The following IRAK1BP1 variants were observed in gnomAD, a reference collection of about 807,000 sequenced individuals.
The protein encoded by IRAK1BP1 is interleukin 1 receptor associated kinase 1 binding protein 1.
In IRAK1BP1, 24 loss-of-function variants were observed where a neutral mutation model predicts 28.0. The ratio of observed to expected loss-of-function variants is 0.86; its 90% CI spans 0.62 to 1.20. IRAK1BP1 has a LOEUF of 1.20. Among genes scored for constraint, IRAK1BP1 ranks in the 50% most tolerant of loss-of-function variants. The pLI is 0.00. For missense variants in IRAK1BP1, 336 were observed against 316.7 expected (o/e 1.06, Z -0.46); for synonymous variants, 131 against 116.3 (o/e 1.13, Z -0.81).
chr6:78,939,708 G>T, intron 4 of IRAK1BP1: 1 of 151,842 alleles, frequency 6.6e-6, no homozygotes, highest in East Asian at 1.9e-4. Context: ...CATTAATCCA[G>T]ATCAACAAGT....
intron 4 of IRAK1BP1, among the ~76,000 whole-genome samples, chr6:78,929,305 G>T (rs1039984700): frequency 6.6e-6 from 1 of 152,124 alleles, no homozygotes; most frequent in Non-Finnish European, 1.5e-5. Context: ...GCCCATCAAA[G>T]GTGGGTTGGA....
chr6:78,910,778 C>G (rs963852328), intron 4 of IRAK1BP1, among the ~76,000 whole-genome samples: 15 of 152,214 alleles, frequency 9.9e-5, no homozygotes, highest in African/African-American at 3.6e-4. Context: ...GCCCCAGACA[C>G]GCACACCCTC....
At chr6:78,955,774 A>AACCAT in the IRAK1BP1 span, 1 of 520,262 alleles carries the variant, frequency 1.9e-6, no homozygotes, top group African/African-American at 2.0e-5. Flanking sequence ...TTTAAGGTAA[A>AACCAT]AGTTGAAGCT....
rs111570884 is a variant in IRAK1BP1, at chr6:78,892,857, A to C, written c.382-4972A>C. Among the ~76,000 whole-genome samples the C allele has an allele frequency of 5.2e-3, 789 of 152,322 alleles. 11 individuals are homozygous for C. The highest frequency in any genetic ancestry group is 0.018 in the African/African-American group (743 of 41,566). On this transcript the variant is annotated intron_variant, in intron 2 of 3. Transcript: ENST00000369940. The stretch of plus-strand genomic sequence containing the variant: ...TTAGTGAACCTGAAAATGTAGCAAT[A>C]AAAAGTATCCATAATGAAACACAGA...
At chr6:78,939,570 A>G (rs1773391086) in intron 4 of IRAK1BP1, 1 of 151,976 alleles carries the variant, frequency 6.6e-6, no homozygotes. Context: ...CCTGGGTAAT[A>G]GTATATAAGT....
At chr6:78,908,528 A>G (rs1772319421) in intron 4 of IRAK1BP1, among the ~76,000 whole-genome samples, 2 of 151,824 alleles carry the variant, frequency 1.3e-5, no homozygotes, top group African/African-American at 4.8e-5. Context: ...TTTAGTAGAG[A>G]TGAGGTCTCA....
rs1009330957 is a variant in IRAK1BP1, at chr6:78,908,261, C to T, written c.*67+5151C>T. ...AGAGATGGGGTTTCACCATATTGGTCAGGATGGTCTTGAACTCCTAACCTC... is the reference window on the plus strand; with the variant it reads ...AGAGATGGGGTTTCACCATATTGGTTAGGATGGTCTTGAACTCCTAACCTC... On this transcript the variant is annotated intron_variant and NMD_transcript_variant, in intron 4 of 4. Coordinates refer to the IRAK1BP1 transcript ENST00000606868. Among the ~76,000 whole-genome samples, 4 of 151,982 alleles carry T rather than the reference C, an allele frequency of 2.6e-5. No homozygotes were observed. The East Asian group carries it at 7.7e-4, about 29-fold the overall frequency.
At chr6:78,974,156 C>A in the IRAK1BP1 span, among the ~76,000 whole-genome samples, 1 of 151,986 alleles carries the variant, frequency 6.6e-6, no homozygotes, top group African/African-American at 2.4e-5. Flanking sequence ...TGTAAAAGAA[C>A]AGAAATTATA....
intron 4 of IRAK1BP1, chr6:78,935,376 C>A (rs1582063970): frequency 2.6e-5 from 8 of 308,124 alleles, no homozygotes; most frequent in Non-Finnish European, 3.8e-5. Context: ...AATTGGGATT[C>A]TTAGTCAATA....
In IRAK1BP1 at chr6:78,887,128, G is replaced by A. The variant is rs192530688; in HGVS notation, c.381+1685G>A. On this transcript the variant is annotated intron_variant, in intron 2 of 3. Transcript: ENST00000369940. ...GTATAACACATACCAGTATTCTTAA[G>A]TACTGTTAAATATATGGAATGAGAT... is the stretch of plus-strand genomic sequence containing the variant. 4.4e-3 allele frequency among the ~76,000 whole-genome samples: 667 copies of A among 152,236 alleles called. 2 individuals carry two copies. The highest frequency in any genetic ancestry group is 7.3e-3 in the Admixed American group (111 of 15,294).
Position 78,867,596 on chromosome 6 carries a change from C to T in IRAK1BP1, c.20C>T (p.Pro7Leu), listed in dbSNP as rs775735542. 19 of 1,613,970 alleles carry T rather than the reference C, an allele frequency of 1.2e-5. No individual in the cohort carries two copies. Among genetic ancestry groups the T allele is most frequent in the East Asian group, 2.2e-5 (1 of 44,890 alleles). ...ATCGCTATGTCTCTGCAAAAGACCC[C>T]TCCGACCCGAGTGTTCGTGGAACTG... Reference protein sequence around the residue: MSLQKTPPTRVFVELVP... With the variant: MSLQKTLPTRVFVELVP... The change falls in exon 1 of 4, where the codon CCT (proline) becomes CTT (leucine). Residue 7 changes from proline to leucine, a missense_variant. Physicochemically the swap from Pro to Leu is moderately conservative, Grantham distance 98 (BLOSUM62 -3). Coordinates refer to ENST00000369940, the MANE Select transcript of IRAK1BP1 (RefSeq NM_001010844.4).
Position 78,899,270 on chromosome 6 carries a change from A to G in IRAK1BP1, c.*936A>G, listed in dbSNP as rs1562089446. 1 of 152,194 alleles carries G rather than the reference A, an allele frequency of 6.6e-6. No individual in the cohort carries two copies. Among genetic ancestry groups the G allele is most frequent in the Non-Finnish European group, 1.5e-5 (1 of 68,036 alleles). The allele number at this position is 152,194 out of a possible 1,614,324, so 9.4% of individuals were successfully genotyped here. ...GTCTTTCATGCTTGCCACACCCAGC[A>G]ATATGTTTAGGAAGGTGAAGTCTAC... On this transcript the variant is annotated 3_prime_UTR_variant, in exon 4 of 4. Transcript: ENST00000369940.
intron 1 of IRAK1BP1, among the ~76,000 whole-genome samples, chr6:78,883,716 T>G (rs956806816): frequency 6.6e-6 from 1 of 152,188 alleles, no homozygotes; most frequent in African/African-American, 2.4e-5. Flanking sequence ...GCAGTCAGTC[T>G]TGGTCCAAAA....
chr6:78,977,897 T>C, the IRAK1BP1 span, among the ~76,000 whole-genome samples: 2 of 152,174 alleles, frequency 1.3e-5, no homozygotes, highest in African/African-American at 4.8e-5. Flanking sequence ...TACCACTTTA[T>C]ACTGTAAATT....
chr6:78,961,487 G>T, the IRAK1BP1 span, among the ~76,000 whole-genome samples: 1 of 151,920 alleles, frequency 6.6e-6, no homozygotes, highest in Non-Finnish European at 1.5e-5. Context: ...CAGCAGCATC[G>T]ACATTACTGG....
the IRAK1BP1 span, among the ~76,000 whole-genome samples, chr6:78,964,331 C>A: frequency 6.6e-6 from 1 of 152,156 alleles, no homozygotes; most frequent in Admixed American, 6.5e-5. Flanking sequence ...GTCTACGAGA[C>A]TGGGTTATTT....
chr6:78,908,875 A>G (rs1385885218), intron 4 of IRAK1BP1, among the ~76,000 whole-genome samples: 1 of 152,172 alleles, frequency 6.6e-6, no homozygotes. Context: ...TTCTTGATGT[A>G]TGTGCAGTCC....
intron 1 of IRAK1BP1, among the ~76,000 whole-genome samples, chr6:78,876,398 C>G (rs1167507766): frequency 6.6e-6 from 1 of 152,158 alleles, no homozygotes; most frequent in African/African-American, 2.4e-5. Context: ...CTAATACACC[C>G]ATATTACTTA....
At chr6:78,926,022 T>A (rs1349591099) in intron 4 of IRAK1BP1, among the ~76,000 whole-genome samples, 2 of 151,928 alleles carry the variant, frequency 1.3e-5, no homozygotes, top group African/African-American at 4.8e-5. Flanking sequence ...TAATAGACAG[T>A]AGGACCTACT....
Sources: gnomAD v4.1 joint callset for allele counts (sites outside exome capture counted in the v4.1 genomes callset) on GRCh38, gnomAD v4.1.1 for gene constraint, MANE v1.5 for transcripts, NCBI Gene and HGNC (gene_info 2026-07-23, HGNC 2026-07-21) for gene names.